The following CTSS variants were observed in gnomAD, a reference collection of about 807,000 sequenced individuals.
The protein encoded by CTSS is cathepsin S.
Under a neutral mutation model 39.9 loss-of-function variants are expected in CTSS, and 15 were observed. The ratio of observed to expected loss-of-function variants is 0.38; its 90% CI spans 0.25 to 0.58. The LOEUF (loss-of-function observed/expected upper bound fraction) is 0.58. CTSS is among the 20% of genes least tolerant of loss of function. CTSS has a pLI of 0.70. For missense variants in CTSS, 250 were observed against 398.2 expected (o/e 0.63, Z 3.17); for synonymous variants, 126 against 138.2 (o/e 0.91, Z 0.62).
intron 4 of CTSS, among the ~76,000 whole-genome samples, chr1:150,754,228 C>G (rs966836629): frequency 1.3e-5 from 2 of 150,184 alleles, no homozygotes; most frequent in South Asian, 4.2e-4. Flanking sequence ...ATTCTCCTGC[C>G]TCACCCTCCC....
Position 150,732,973 on chromosome 1 carries a change from G to A in CTSS, c.*73C>T, listed in dbSNP as rs1652555886. On this transcript the variant is annotated 3_prime_UTR_variant, in exon 8 of 8. Transcript: ENST00000368985. The stretch of plus-strand genomic sequence containing the variant: ...AATCATGACACAATTATTTCTTCTG[G>A]ATACAGCAGGAAAAATTAAGTTAAG... 1 of 1,017,342 alleles carries A rather than the reference G, an allele frequency of 9.8e-7. No individual in the cohort carries two copies. Among genetic ancestry groups the A allele is most frequent in the Non-Finnish European group, 1.5e-6 (1 of 658,914 alleles). The allele number at this position is 1,017,342 out of a possible 1,614,324, so 63.0% of individuals were successfully genotyped here.
intron 2 of CTSS, among the ~76,000 whole-genome samples, chr1:150,762,469 CAATT>C (rs1653286464): frequency 1.3e-5 from 2 of 152,022 alleles, no homozygotes; most frequent in South Asian, 4.1e-4. Flanking sequence ...ATAAAGGAAA[CAATT>C]AACAGAGTGA....
At chr1:150,745,780 TCAC>T (rs1267202235) in intron 7 of CTSS, among the ~76,000 whole-genome samples, 1 of 151,952 alleles carries the variant, frequency 6.6e-6, no homozygotes, top group African/African-American at 2.4e-5. Context: ...AAGTCAAAGA[TCAC>T]CAGCAAACTT....
intron 1 of CTSS, among the ~76,000 whole-genome samples, chr1:150,765,089 T>TTCTCTC (rs3831278): frequency 6.7e-6 from 1 of 148,572 alleles, no homozygotes; most frequent in Non-Finnish European, 1.5e-5. Flanking sequence ...GGAAATCTCT[T>TTCTCTC]TCTCTCTCTC....
At chr1:150,733,508 T>G (rs1023981536) in intron 7 of CTSS, among the ~76,000 whole-genome samples, 5 of 152,246 alleles carry the variant, frequency 3.3e-5, no homozygotes, top group Admixed American at 6.5e-5. Context: ...AATGATTTTC[T>G]ATCAAACTTA....
chr1:150,762,519 A>G (rs903212002), intron 2 of CTSS, among the ~76,000 whole-genome samples: 17 of 152,190 alleles, frequency 1.1e-4, no homozygotes, highest in African/African-American at 3.6e-4. Flanking sequence ...AATATTTGCA[A>G]ATCATACATT....
At chr1:150,737,407 C>T (rs1001906528) in intron 7 of CTSS, among the ~76,000 whole-genome samples, 4 of 151,984 alleles carry the variant, frequency 2.6e-5, no homozygotes, top group Admixed American at 6.6e-5. Context: ...GGGCTGAGTC[C>T]GTCTACTTTT....
intron 7 of CTSS, among the ~76,000 whole-genome samples, chr1:150,746,252 C>T (rs1198113420): frequency 1.3e-5 from 2 of 152,138 alleles, no homozygotes; most frequent in South Asian, 2.1e-4. Flanking sequence ...CTGCTCAGTT[C>T]GTGGCACTTT....
intron 2 of CTSS, among the ~76,000 whole-genome samples, chr1:150,761,247 C>T (rs1653254141): frequency 6.7e-6 from 1 of 150,088 alleles, no homozygotes; most frequent in South Asian, 2.1e-4. Flanking sequence ...TACATGAATT[C>T]AGTAAAGTTG....
chr1:150,743,459 C>T (rs765305882), intron 7 of CTSS, among the ~76,000 whole-genome samples: 1 of 145,722 alleles, frequency 6.9e-6, no homozygotes, highest in Admixed American at 7.2e-5. Flanking sequence ...GCGGTGGTGG[C>T]TCACGCCTGT....
chr1:150,741,558 T>C (rs1652756441), intron 7 of CTSS, among the ~76,000 whole-genome samples: 1 of 152,198 alleles, frequency 6.6e-6, no homozygotes, highest in South Asian at 2.1e-4. Context: ...ATTTTCTTCA[T>C]ATAGATTCCA....
intron 2 of CTSS, 72 bp from the exon 3 acceptor site, chr1:150,758,052 A>AT: frequency 3.4e-6 from 5 of 1,477,684 alleles, no homozygotes; most frequent in East Asian, 2.4e-5. Flanking sequence ...TGAAAATGGC[A>AT]ATTTTTTTTT....
chr1:150,741,888 G>A (rs1268468791), intron 7 of CTSS, among the ~76,000 whole-genome samples: 2 of 151,816 alleles, frequency 1.3e-5, no homozygotes, highest in East Asian at 1.9e-4. Context: ...AAAAAAAGGG[G>A]GGGGGAAGAA....
chr1:150,740,926 G>A (rs587686382), intron 7 of CTSS, among the ~76,000 whole-genome samples: 2 of 151,916 alleles, frequency 1.3e-5, no homozygotes, highest in South Asian at 2.1e-4. Flanking sequence ...GGGCTCAAGC[G>A]ATCCTCCCAG....
intron 4 of CTSS, 70 bp from the exon 5 acceptor site, chr1:150,752,078 TG>T: frequency 6.8e-7 from 1 of 1,480,808 alleles, no homozygotes; most frequent in East Asian, 2.3e-5. Flanking sequence ...TAACCCAAAC[TG>T]GACAACGCTC....
At chr1:150,763,448 T>C (rs149016366) in intron 2 of CTSS, among the ~76,000 whole-genome samples, 1 of 152,322 alleles carries the variant, frequency 6.6e-6, no homozygotes, top group African/African-American at 2.4e-5. Flanking sequence ...ATTTTAAATG[T>C]TCTTATCACA....
intron 5 of CTSS, among the ~76,000 whole-genome samples, chr1:150,751,312 G>A (rs1387946544): frequency 6.6e-6 from 1 of 152,026 alleles, no homozygotes; most frequent in African/African-American, 2.4e-5. Context: ...ACAGTGGCGT[G>A]ATCTCGGCTC....
intron 7 of CTSS, among the ~76,000 whole-genome samples, chr1:150,744,766 G>C (rs1333191693): frequency 6.7e-6 from 1 of 149,382 alleles, no homozygotes; most frequent in Non-Finnish European, 1.5e-5. Flanking sequence ...TTTAGGACAG[G>C]ATGGTTTCTT....
chr1:150,759,751 G>A (rs1328336977), intron 2 of CTSS, among the ~76,000 whole-genome samples: 2 of 152,130 alleles, frequency 1.3e-5, no homozygotes, highest in South Asian at 2.1e-4. Flanking sequence ...CAAGGTGGAT[G>A]GTGCCTCCTA....
Sources: gnomAD v4.1 joint callset for allele counts (sites outside exome capture counted in the v4.1 genomes callset) on GRCh38, gnomAD v4.1.1 for gene constraint, MANE v1.5 for transcripts, NCBI Gene and HGNC (gene_info 2026-07-23, HGNC 2026-07-21) for gene names.